QTMAN: variants seen among roughly 807,000 people sequenced by gnomAD.
QTMAN encodes the protein tRNA-queuosine alpha-mannosyltransferase.
chr2:144,208,741 T>C, the QTMAN span: 14 of 1,613,760 alleles, frequency 8.7e-6, no homozygotes, highest in Non-Finnish European at 1.0e-5. Flanking sequence ...CAGCTGTTTA[T>C]GGGAGCCTCC....
the QTMAN span, among the ~76,000 whole-genome samples, chr2:144,239,139 A>G: frequency 6.6e-6 from 1 of 152,042 alleles, no homozygotes; most frequent in South Asian, 2.1e-4. Context: ...ACAACCAAAA[A>G]GACAGATATA....
chr2:144,321,672 A>G, the QTMAN span, among the ~76,000 whole-genome samples: 1 of 152,164 alleles, frequency 6.6e-6, no homozygotes, highest in Non-Finnish European at 1.5e-5. Context: ...GCACAATCAT[A>G]GCTCACTGCA....
At chr2:144,299,717 T>C in the QTMAN span, among the ~76,000 whole-genome samples, 4 of 152,170 alleles carry the variant, frequency 2.6e-5, no homozygotes, top group South Asian at 6.2e-4. Flanking sequence ...TGGAAAAGAG[T>C]ATAGCAGTTC....
At chr2:144,159,617 CAGAAG>C in the QTMAN span, among the ~76,000 whole-genome samples, 1 of 152,046 alleles carries the variant, frequency 6.6e-6, no homozygotes, top group African/African-American at 2.4e-5. Context: ...ATAGTGAGTT[CAGAAG>C]AGAAGAGCCA....
At chr2:144,016,083 T>C in the QTMAN span, among the ~76,000 whole-genome samples, 1 of 152,186 alleles carries the variant, frequency 6.6e-6, no homozygotes, top group Non-Finnish European at 1.5e-5. Flanking sequence ...CAGTGAACGA[T>C]TCACTGTGTT....
At chr2:144,155,504 C>T in the QTMAN span, among the ~76,000 whole-genome samples, 1 of 152,130 alleles carries the variant, frequency 6.6e-6, no homozygotes, top group Non-Finnish European at 1.5e-5. Context: ...TTAAAAGCAG[C>T]ATATCATTTT....
the QTMAN span, among the ~76,000 whole-genome samples, chr2:144,266,591 T>C: frequency 6.6e-6 from 1 of 152,220 alleles, no homozygotes. Context: ...AATCTAGCAA[T>C]GTAAGTAAAG....
chr2:143,951,378 C>T, the QTMAN span, among the ~76,000 whole-genome samples: 2 of 151,458 alleles, frequency 1.3e-5, no homozygotes, highest in Non-Finnish European at 3.0e-5. Context: ...AAGAAGATAA[C>T]GAATGAGGGT....
chr2:144,037,104 G>T, the QTMAN span, among the ~76,000 whole-genome samples: 1 of 152,138 alleles, frequency 6.6e-6, no homozygotes, highest in Non-Finnish European at 1.5e-5. Flanking sequence ...CCAGGGGTAG[G>T]GAGAAGTAGG....
At chr2:144,000,279 C>T in the QTMAN span, among the ~76,000 whole-genome samples, 2 of 151,826 alleles carry the variant, frequency 1.3e-5, no homozygotes, top group African/African-American at 2.4e-5. Flanking sequence ...ATAATTTTTC[C>T]CTAAAATTCT....
the QTMAN span, among the ~76,000 whole-genome samples, chr2:143,985,818 T>C: frequency 1.2e-4 from 19 of 152,226 alleles, 1 homozygote; most frequent in African/African-American, 4.6e-4. Context: ...CTTCAGTATT[T>C]ATTCTACTTT....
the QTMAN span, among the ~76,000 whole-genome samples, chr2:143,968,947 C>T: frequency 4.6e-5 from 7 of 152,270 alleles, no homozygotes; most frequent in East Asian, 1.4e-3. Context: ...CAGGTTTCAT[C>T]ATATTTCTTT....
chr2:144,041,182 A>G, the QTMAN span, among the ~76,000 whole-genome samples: 2 of 152,190 alleles, frequency 1.3e-5, no homozygotes, highest in African/African-American at 4.8e-5. Flanking sequence ...TTTTTAACAC[A>G]TAACCAGAAG....
the QTMAN span, chr2:143,952,885 A>C: frequency 8.3e-7 from 1 of 1,202,442 alleles, no homozygotes; most frequent in Non-Finnish European, 1.2e-6. Context: ...TATTAAAAAG[A>C]CATTACCATC....
At chr2:144,198,359 C>T in the QTMAN span, among the ~76,000 whole-genome samples, 1 of 152,198 alleles carries the variant, frequency 6.6e-6, no homozygotes, top group South Asian at 2.1e-4. Flanking sequence ...AACATGATAT[C>T]AGATGCCTTT....
the QTMAN span, among the ~76,000 whole-genome samples, chr2:144,246,618 C>G: frequency 6.0e-5 from 8 of 134,448 alleles, no homozygotes; most frequent in Admixed American, 3.6e-4. Context: ...GAAAAGAAAA[C>G]AAATTTAAAG....
chr2:144,265,124 C>T, the QTMAN span, among the ~76,000 whole-genome samples: 125 of 152,106 alleles, frequency 8.2e-4, 1 homozygote, highest in Admixed American at 5.8e-3. Flanking sequence ...ATATAGATAT[C>T]CATGTATCAG....
the QTMAN span, among the ~76,000 whole-genome samples, chr2:144,308,564 A>T: frequency 6.6e-6 from 1 of 152,178 alleles, no homozygotes; most frequent in East Asian, 1.9e-4. Context: ...CACACTATAT[A>T]TAAAAATTAA....
chr2:143,994,476 T>C, the QTMAN span, among the ~76,000 whole-genome samples: 1 of 152,046 alleles, frequency 6.6e-6, no homozygotes, highest in Admixed American at 6.6e-5. Flanking sequence ...GCTAAAAAAG[T>C]GAAAACAATC....
Sources: allele counts gnomAD v4.1 joint callset (sites outside exome capture counted in the v4.1 genomes callset), GRCh38; gene constraint gnomAD v4.1.1; transcripts MANE v1.5; gene names NCBI Gene and HGNC (gene_info 2026-07-23, HGNC 2026-07-21).